ZNF384: variants seen among roughly 807,000 people sequenced by gnomAD.
ZNF384 encodes the protein CAG repeat protein 1.
A neutral mutation model predicts 65.0 loss-of-function variants in ZNF384; 20 were observed. The ratio of observed to expected loss-of-function variants is 0.31; its 90% confidence interval spans 0.22 to 0.45. The LOEUF is 0.45. Ranked by LOEUF, ZNF384 falls within the 20% of genes least tolerant of loss-of-function variation. The pLI is 1.00. For synonymous variants in ZNF384, 310 were observed against 303.9 expected (o/e 1.02, Z -0.21); for missense variants, 549 against 769.4 (o/e 0.71, Z 3.39).
At chr12:6,681,176 G>A (rs944794474) in intron 2 of ZNF384, among the ~76,000 whole-genome samples, 3 of 147,082 alleles carry the variant, frequency 2.0e-5, no homozygotes, top group Non-Finnish European at 4.4e-5. Flanking sequence ...CCAAGATTGC[G>A]CCATTGCCTG....
Position 6,673,641 on chromosome 12 carries a change from T to G in ZNF384, c.780-201A>C, listed in dbSNP as rs1201233745. ...TTATAAATATTCAATAAATGTTTGC[T>G]GAATGACTGGACTGCCTCCATGTGC... is the stretch of plus-strand genomic sequence containing the variant. On this transcript the variant is annotated intron_variant, in intron 7 of 11. Transcript: ENST00000683879. This position sits in a 1 kb window ranked among gnomAD's most constrained non-coding sequence, Gnocchi z 4.7. Among the ~76,000 whole-genome samples, 1 of 152,196 alleles carries G rather than the reference T, an allele frequency of 6.6e-6. No individual in the cohort carries two copies. The highest frequency in any genetic ancestry group is 1.5e-5 in the Non-Finnish European group (1 of 68,042).
intron 9 of ZNF384, among the ~76,000 whole-genome samples, chr12:6,671,218 C>T (rs889777717): frequency 6.6e-6 from 1 of 152,206 alleles, no homozygotes; most frequent in Non-Finnish European, 1.5e-5. Context: ...CTTGGCCCCA[C>T]CTTATGGCCA....
chr12:6,678,630 T>C lies in ZNF384; in HGVS notation c.352+33A>G. ...AGAAAAATAATGGTCTCCTAACCCT[T>C]GTCCCCACCCCCCTGGTAACAGTGA... On this transcript the variant is annotated intron_variant, in intron 5 of 11. Transcript: ENST00000683879. The surrounding 1 kb of genome is among the most constrained non-coding windows in gnomAD (Gnocchi z 4.9). The C allele has an allele frequency of 6.2e-7, 1 of 1,610,258 alleles. No homozygotes were observed. The highest frequency in any genetic ancestry group is 8.5e-7 in the Non-Finnish European group (1 of 1,178,022).
rs1951735661 is a variant in ZNF384 at position 6,672,151 on chromosome 12, G to A, written c.1187+199C>T. On this transcript the variant is annotated intron_variant, in intron 9 of 11. Transcript: ENST00000683879. The surrounding 1 kb of genome is among the most constrained non-coding windows in gnomAD (Gnocchi z 4.4). ...ATAGTCACTGCAGCTCCCCGACGTA[G>A]CTCTTGCCCCAGAGAAGCTCTGTGT... 1 of 587,338 alleles carries A rather than the reference G, an allele frequency of 1.7e-6. No individual in the cohort carries two copies. 36.4% of individuals were successfully genotyped at this position (587,338 alleles called of 1,614,324 possible).
chr12:6,678,152 G>GGTC lies in ZNF384; in HGVS notation c.658_660dup (p.Asp220dup), dbSNP rs1274802240. On this transcript the variant is annotated inframe_insertion, in exon 6 of 12. Coordinates refer to ENST00000683879, the MANE Select transcript of ZNF384 (RefSeq NM_001385745.1). This position sits in a 1 kb window ranked among gnomAD's most constrained non-coding sequence, Gnocchi z 4.9. ...CTGTAGGTCTTGCCGTCTTTCTGAT[G>GGTC]GTCATCATCATCCTCAGGGGAGAGG... is the stretch of plus-strand genomic sequence containing the variant. The GGTC allele has an allele frequency of 1.1e-5, 18 of 1,612,798 alleles. No individual in the cohort carries two copies. Among genetic ancestry groups the GGTC allele is most frequent in the Non-Finnish European group, 1.5e-5 (18 of 1,179,094 alleles).
Position 6,672,454 on chromosome 12 carries a change from G to A in ZNF384, c.1083C>T (p.Ser361=). 1.9e-6 allele frequency: 3 copies of A among 1,614,204 alleles called. No homozygotes were observed. Among genetic ancestry groups the A allele is most frequent in the Non-Finnish European group, 2.5e-6 (3 of 1,180,024 alleles). Residue 361 remains serine, a synonymous_variant, in exon 9 of 12, where the codon TCC becomes TCT. Transcript: ENST00000683879. The surrounding 1 kb of genome is among the most constrained non-coding windows in gnomAD (Gnocchi z 4.4). The part of the protein sequence containing the change: ...PHCSKTFANT[S]YLAQHLRIHS... ...GGATACGGAGGTGCTGGGCCAGGTA[G>A]GAGGTGTTGGCGAAGGTCTTGGAGC...
At chr12:6,676,724 A>G (rs987934531) in intron 7 of ZNF384, among the ~76,000 whole-genome samples, 1 of 152,204 alleles carries the variant, frequency 6.6e-6, no homozygotes, top group African/African-American at 2.4e-5. Context: ...CTTAAAAGGG[A>G]TTTTAATTTT....
At position 6,678,141 on chromosome 12, in the gene ZNF384, G is replaced by T. The variant is rs369571021; in HGVS notation, c.672C>A (p.Asp224Glu). Residue 224 changes from aspartate (D) to glutamate (E), a missense_variant, in exon 6 of 12, where the codon GAC (aspartate) becomes GAA (glutamate). By Grantham distance (45) the Asp-to-Glu change is conservative. Around this residue, in one of 5 missense-constraint regions of ZNF384, gnomAD observed 277 missense variants for 337.2 expected, o/e 0.82. Transcript: ENST00000683879. This position sits in a 1 kb window ranked among gnomAD's most constrained non-coding sequence, Gnocchi z 4.9. ...SPEDDDDHQK[D>E]GKTYRSEGNC... ...CTGAGTCTTACCTGTAGGTCTTGCC[G>T]TCTTTCTGATGGTCATCATCATCCT... The T allele has an allele frequency of 6.2e-7, 1 of 1,611,766 alleles. No homozygotes were observed. Among genetic ancestry groups the T allele is most frequent in the Admixed American group, 1.7e-5 (1 of 59,976 alleles).
chr12:6,687,576 A>G (rs1958389115), intron 2 of ZNF384, among the ~76,000 whole-genome samples: 1 of 152,168 alleles, frequency 6.6e-6, no homozygotes, highest in Admixed American at 6.5e-5. Flanking sequence ...AAACTCTTCC[A>G]GACCTACTTC....
At chr12:6,684,372 C>A (rs1458856648) in intron 2 of ZNF384, among the ~76,000 whole-genome samples, 1 of 152,026 alleles carries the variant, frequency 6.6e-6, no homozygotes, top group Non-Finnish European at 1.5e-5. Flanking sequence ...CCAGCTAGTT[C>A]TCAAAAAATG....
At position 6,667,925 on chromosome 12, in the gene ZNF384, TG is replaced by T; in HGVS notation, c.1615del (p.Gln539SerfsTer41). 1 of 1,610,328 alleles carries T rather than the reference TG, an allele frequency of 6.2e-7. No homozygotes were observed. Among genetic ancestry groups the T allele is most frequent in the Non-Finnish European group, 8.5e-7 (1 of 1,177,536 alleles). ...QASQQQQQQQ[Q>X]QQQQQQQQPP... is the part of the protein sequence containing the mutation. ...CTGTTGCTGCTGCTGCTGCTGCTGCTGCTGCTGCTGCTGCTGCTGCTGTGAT... is the reference window on the plus strand; with the variant it reads ...CTGTTGCTGCTGCTGCTGCTGCTGCTCTGCTGCTGCTGCTGCTGCTGTGAT... On this transcript the variant is annotated frameshift_variant, in exon 12 of 12. Transcript: ENST00000683879. LOFTEE classifies it high-confidence loss of function.
intron 2 of ZNF384, among the ~76,000 whole-genome samples, chr12:6,687,201 A>G (rs565710954): frequency 3.3e-5 from 5 of 152,288 alleles, no homozygotes; most frequent in Admixed American, 1.3e-4. Context: ...ATGCACCCCA[A>G]TGTTACTGGG....
intron 2 of ZNF384, among the ~76,000 whole-genome samples, chr12:6,687,546 T>G (rs1958376391): frequency 6.6e-6 from 1 of 152,188 alleles, no homozygotes; most frequent in African/African-American, 2.4e-5. Flanking sequence ...GTCCACTCAC[T>G]GTCATTTTCA....
intron 2 of ZNF384, among the ~76,000 whole-genome samples, chr12:6,685,236 T>C (rs1957466559): frequency 4.0e-5 from 6 of 148,638 alleles, no homozygotes; most frequent in Non-Finnish European, 7.5e-5. Context: ...GGCAGGAGGA[T>C]TGCTTGAGCC....
chr12:6,679,921 ACCTAGC>A (rs1405457720), intron 2 of ZNF384, among the ~76,000 whole-genome samples: 5 of 152,222 alleles, frequency 3.3e-5, no homozygotes, highest in Admixed American at 6.5e-5. Context: ...AGGTGCCAGT[ACCTAGC>A]ATGACTCCTC....
At chr12:6,680,870 T>C (rs890515619) in intron 2 of ZNF384, among the ~76,000 whole-genome samples, 4 of 152,192 alleles carry the variant, frequency 2.6e-5, no homozygotes, top group African/African-American at 9.6e-5. Flanking sequence ...ATAGGCATGA[T>C]AGTAGGCCAG....
chr12:6,675,531 T>A (rs1953164744), intron 7 of ZNF384, among the ~76,000 whole-genome samples: 1 of 152,088 alleles, frequency 6.6e-6, no homozygotes. Flanking sequence ...TCCTATGAAG[T>A]CAAGTAAGAG....
chr12:6,673,864 T>C lies in ZNF384; in HGVS notation c.780-424A>G, dbSNP rs1952498437. Among the ~76,000 whole-genome samples, 2 of 152,162 alleles carry C rather than the reference T, an allele frequency of 1.3e-5. No individual in the cohort carries two copies. The highest frequency in any genetic ancestry group is 1.3e-4 in the Admixed American group (2 of 15,280). On this transcript the variant is annotated intron_variant, in intron 7 of 11. Coordinates refer to ENST00000683879, the MANE Select transcript of ZNF384 (RefSeq NM_001385745.1). This position sits in a 1 kb window ranked among gnomAD's most constrained non-coding sequence, Gnocchi z 4.7. Reference sequence around the variant, plus strand: ...ATTCCTCAAGACCCCGAGATGATAATGAGGAACAACTAACTGGATCCTCTC... The same window carrying C: ...ATTCCTCAAGACCCCGAGATGATAACGAGGAACAACTAACTGGATCCTCTC...
At chr12:6,679,560 G>A in intron 2 of ZNF384, 35 bp from the exon 3 acceptor site, 1 of 1,546,404 alleles carries the variant, frequency 6.5e-7, no homozygotes, top group Non-Finnish European at 8.9e-7. Context: ...TCACACTCAG[G>A]AATTACTCAG....
Sources: gnomAD v4.1 joint callset for allele counts (sites outside exome capture counted in the v4.1 genomes callset) on GRCh38, gnomAD v4.1.1 for gene constraint, gnomAD v4.1.1 regional missense constraint, Gnocchi (gnomAD v3.1) non-coding constraint, MANE v1.5 for transcripts, NCBI Gene and HGNC (gene_info 2026-07-23, HGNC 2026-07-21) for gene names.